The following CSMD3 variants were observed in gnomAD, a reference collection of about 807,000 sequenced individuals.
CSMD3 encodes CUB and sushi domain-containing protein 3.
In CSMD3, 177 loss-of-function variants were observed where a neutral mutation model predicts 435.2. The observed-to-expected ratio is 0.41, with a 90% CI of 0.36 to 0.46. CSMD3 has a LOEUF of 0.46. Ranked by LOEUF, CSMD3 falls within the 20% of genes least tolerant of loss-of-function variation. CSMD3 has a pLI of 0.34. For missense variants in CSMD3, 4,265 were observed against 4,504.6 expected (o/e 0.95, Z 1.52); for synonymous variants, 1,656 against 1,520.5 (o/e 1.09, Z -2.07).
chr8:112,284,542 T>C (rs1406314317), intron 58 of CSMD3, among the ~76,000 whole-genome samples: 2 of 151,332 alleles, frequency 1.3e-5, no homozygotes, highest in African/African-American at 4.9e-5. Flanking sequence ...TTTTCTCATA[T>C]TGCTTCATGG....
intron 27 of CSMD3, among the ~76,000 whole-genome samples, chr8:112,519,916 A>T (rs1030327264): frequency 2.6e-5 from 4 of 152,128 alleles, no homozygotes; most frequent in Non-Finnish European, 5.9e-5. Flanking sequence ...AAACTCAACG[A>T]TATGGTTATT....
Position 113,304,648 on chromosome 8 carries a change from G to A in CSMD3, c.401+9923C>T, listed in dbSNP as rs1390710330. Among the ~76,000 whole-genome samples, 4 of 124,344 alleles carry A rather than the reference G, an allele frequency of 3.2e-5. No homozygotes were observed. The Admixed American group carries it at 3.4e-4, about 11-fold the overall frequency. The allele number at this position is 124,344 out of a possible 152,430, so 81.6% of individuals were successfully genotyped here. On this transcript the variant is annotated intron_variant, in intron 2 of 70. Coordinates refer to ENST00000297405, the MANE Select transcript of CSMD3 (RefSeq NM_198123.2). ...ATGAAATTGGAAACCATCATTCTCA[G>A]TAAACTATCACAAGAACAAAAAACC...
chr8:112,735,973 A>G (rs1007508183), intron 13 of CSMD3, among the ~76,000 whole-genome samples: 11 of 152,000 alleles, frequency 7.2e-5, no homozygotes, highest in African/African-American at 2.7e-4. Context: ...GTTAGGTAGA[A>G]AACAGAAATC....
intron 6 of CSMD3, among the ~76,000 whole-genome samples, chr8:112,993,442 G>A (rs375786678): frequency 3.8e-4 from 57 of 151,904 alleles, no homozygotes; most frequent in East Asian, 1.7e-3. Context: ...AATGGCATGC[G>A]TTGGATTCTT....
intron 4 of CSMD3, among the ~76,000 whole-genome samples, chr8:113,168,143 T>A (rs1214977052): frequency 2.6e-5 from 4 of 151,834 alleles, no homozygotes; most frequent in Non-Finnish European, 4.4e-5. Flanking sequence ...ATTCAGAGAG[T>A]TACAATAACA....
At chr8:112,354,004 C>A (rs1417561007) in intron 38 of CSMD3, among the ~76,000 whole-genome samples, 1 of 152,132 alleles carries the variant, frequency 6.6e-6, no homozygotes, top group East Asian at 1.9e-4. Flanking sequence ...TCACCATGAT[C>A]AAACAGGATT....
At chr8:112,423,322 G>A (rs1368061590) in intron 32 of CSMD3, among the ~76,000 whole-genome samples, 2 of 151,906 alleles carry the variant, frequency 1.3e-5, no homozygotes, top group African/African-American at 4.8e-5. Flanking sequence ...CTGATTTTTG[G>A]CAACATTATT....
chr8:112,797,608 AC>A lies in CSMD3; in HGVS notation c.1972+2553del, dbSNP rs1210957723. Among the ~76,000 whole-genome samples the A allele has an allele frequency of 2.0e-5, 3 of 151,988 alleles. No homozygotes were observed. The East Asian group carries it at 5.8e-4, about 29-fold the overall frequency. On this transcript the variant is annotated intron_variant, in intron 13 of 70. Coordinates refer to ENST00000297405, the MANE Select transcript of CSMD3 (RefSeq NM_198123.2). Reference sequence around the variant, plus strand: ...TCATGCAAAATCTACAGATTACAAAACCAGAAGATATCTTTAGACAAATCTG... The same window carrying A: ...TCATGCAAAATCTACAGATTACAAAACAGAAGATATCTTTAGACAAATCTG...
intron 4 of CSMD3, among the ~76,000 whole-genome samples, chr8:113,121,461 T>C (rs2090983550): frequency 6.6e-6 from 1 of 152,100 alleles, no homozygotes; most frequent in Non-Finnish European, 1.5e-5. Context: ...TCACGTAAAA[T>C]CTTCAATCCT....
At chr8:112,576,260 T>G (rs1250334904) in intron 23 of CSMD3, among the ~76,000 whole-genome samples, 2 of 152,024 alleles carry the variant, frequency 1.3e-5, no homozygotes, top group East Asian at 1.9e-4. Flanking sequence ...TTAAAAAATC[T>G]TCAGGAGTAA....
chr8:113,315,187 T>A (rs2093899996), intron 1 of CSMD3, among the ~76,000 whole-genome samples: 1 of 152,194 alleles, frequency 6.6e-6, no homozygotes, highest in East Asian at 1.9e-4. Flanking sequence ...TTTGTATGCA[T>A]TTTGGGTCCC....
intron 5 of CSMD3, among the ~76,000 whole-genome samples, chr8:113,061,385 A>G (rs1323143873): frequency 6.6e-6 from 1 of 152,138 alleles, no homozygotes; most frequent in Non-Finnish European, 1.5e-5. Flanking sequence ...GAGTTTAATT[A>G]TAATTCAGAG....
At chr8:113,295,513 C>G (rs1217954002) in intron 2 of CSMD3, among the ~76,000 whole-genome samples, 1 of 151,974 alleles carries the variant, frequency 6.6e-6, no homozygotes, top group African/African-American at 2.4e-5. Flanking sequence ...AAAGGTAGAG[C>G]AGAAAGAATG....
chr8:113,270,001 G>A (rs1284769799), intron 3 of CSMD3, among the ~76,000 whole-genome samples: 2 of 151,250 alleles, frequency 1.3e-5, no homozygotes. Context: ...CACAGCAAAA[G>A]AAACTACCAT....
At chr8:113,084,925 A>T (rs2089703229) in intron 5 of CSMD3, among the ~76,000 whole-genome samples, 1 of 152,062 alleles carries the variant, frequency 6.6e-6, no homozygotes, top group Non-Finnish European at 1.5e-5. Flanking sequence ...GAAGAATATA[A>T]TTAGACCCAT....
intron 1 of CSMD3, among the ~76,000 whole-genome samples, chr8:113,345,846 G>A (rs1374297387): frequency 6.6e-6 from 1 of 152,032 alleles, no homozygotes; most frequent in Non-Finnish European, 1.5e-5. Context: ...TAAAATGGCT[G>A]AACTGGGATG....
rs75624770 is a variant in CSMD3, at chr8:113,368,405, T to C, written c.179-53612A>G. Among the ~76,000 whole-genome samples, 734 of 152,244 alleles carry C rather than the reference T, an allele frequency of 4.8e-3. 12 individuals are homozygous for C. Among genetic ancestry groups the C allele is most frequent in the African/African-American group, 0.017 (706 of 41,578 alleles). On this transcript the variant is annotated intron_variant, in intron 1 of 70. Coordinates refer to ENST00000297405, the MANE Select transcript of CSMD3 (RefSeq NM_198123.2). ...CACTGGTCTTCAGTCCCCAGAACTTTACACTTAGCAACACTTAAGCAATAT... is the reference window on the plus strand; with the variant it reads ...CACTGGTCTTCAGTCCCCAGAACTTCACACTTAGCAACACTTAAGCAATAT...
At chr8:113,404,334 C>T (rs772742729) in intron 1 of CSMD3, among the ~76,000 whole-genome samples, 1 of 151,162 alleles carries the variant, frequency 6.6e-6, no homozygotes, top group East Asian at 1.9e-4. Context: ...TTTAAAACAA[C>T]TTAATAAGCA....
intron 54 of CSMD3, among the ~76,000 whole-genome samples, chr8:112,295,281 C>T (rs1436054531): frequency 6.6e-6 from 1 of 152,048 alleles, no homozygotes; most frequent in Non-Finnish European, 1.5e-5. Context: ...AGAGATTAAA[C>T]ACTGCATTAG....
Sources: gnomAD v4.1 joint callset for allele counts (sites outside exome capture counted in the v4.1 genomes callset) on GRCh38, gnomAD v4.1.1 for gene constraint, MANE v1.5 for transcripts, NCBI Gene and HGNC (gene_info 2026-07-23, HGNC 2026-07-21) for gene names.